Variants in PCDHGB6 observed in about 807,000 individuals in gnomAD.
PCDHGB6 encodes protocadherin gamma subfamily B, 6.
A neutral mutation model predicts 59.1 loss-of-function variants in PCDHGB6; 51 were observed. The observed-to-expected ratio is 0.86, with a 90% confidence interval of 0.69 to 1.09. The LOEUF (loss-of-function observed/expected upper bound fraction) is 1.09, where lower values mean the gene tolerates loss of function less well. Ranked by LOEUF, PCDHGB6 falls within the 50% of genes least tolerant of loss-of-function variation. The probability of loss-of-function intolerance (pLI) is 0.00; values close to 1 mark genes in which losing one functional copy is unlikely to be tolerated. For missense variants in PCDHGB6, 1,148 were observed against 1,205.1 expected, an observed-to-expected ratio of 0.95 and a Z score of 0.70; for synonymous variants, 466 against 495.1, an observed-to-expected ratio of 0.94 and a Z score of 0.78.
At chr5:141,456,020 C>A (rs2098840631) in intron 1 of PCDHGB6, among the ~76,000 whole-genome samples, 2 of 151,952 alleles carry the variant, frequency 1.3e-5, no homozygotes, top group South Asian at 4.2e-4. Flanking sequence ...GCCTCAGCCT[C>A]CCGAGTAGCT....
chr5:141,413,111 AG>A lies in PCDHGB6; in HGVS notation c.2418+2493del, dbSNP rs962952666. ...ACACCCTGAAGCCACAGAAAGACAA[AG>A]GAACCGGTTGAAACACACAACGTGT... On this transcript the variant is annotated intron_variant, in intron 1 of 3. Transcript: ENST00000520790. 4.7e-6 allele frequency: 7 copies of A among 1,499,852 alleles called. No individual in the cohort carries two copies. In the African/African-American group the frequency reaches 8.4e-5, roughly 18 times the overall value. 92.9% of individuals were successfully genotyped at this position (1,499,852 alleles called of 1,614,324 possible). A position where few individuals can be genotyped will look rare whatever the true frequency, so the allele number is the denominator to read the frequency against.
intron 1 of PCDHGB6, chr5:141,422,019 G>T (rs777239843): frequency 1.9e-6 from 3 of 1,610,862 alleles, no homozygotes; most frequent in Non-Finnish European, 2.5e-6. Context: ...GGGTGCTGAT[G>T]GTTAATGCAA....
At chr5:141,422,038 G>A (rs949164524) in intron 1 of PCDHGB6, 9 of 1,611,746 alleles carry the variant, frequency 5.6e-6, no homozygotes, top group Non-Finnish European at 7.6e-6. Context: ...AACGGATCCA[G>A]ACGAGGGAAT....
intron 1 of PCDHGB6, among the ~76,000 whole-genome samples, chr5:141,450,005 TC>T (rs2098662434): frequency 1.0e-5 from 1 of 99,604 alleles, no homozygotes; most frequent in Non-Finnish European, 1.8e-5. Flanking sequence ...TTGCCATGTC[TC>T]TTTTTTTTTT....
chr5:141,419,209 G>A (rs541061354), intron 1 of PCDHGB6: 11 of 1,613,900 alleles, frequency 6.8e-6, no homozygotes, highest in South Asian at 5.5e-5. Context: ...ACAACGCGCC[G>A]GTTTTCGGAC....
chr5:141,504,206 A>C (rs1209911822), intron 2 of PCDHGB6, among the ~76,000 whole-genome samples: 1 of 152,218 alleles, frequency 6.6e-6, no homozygotes, highest in East Asian at 1.9e-4. Context: ...CTGTGGGAAA[A>C]TTCCAAGTAG....
rs201022238 is a variant in PCDHGB6 at position 141,415,678 on chromosome 5, G to A, written c.2418+5058G>A. 470 of 1,555,406 alleles carry A rather than the reference G, an allele frequency of 3.0e-4. 2 individuals carry two copies. In the African/African-American group the frequency reaches 5.9e-3, roughly 20 times the overall value. ...GATTGGTTTTTACTTTGAAGTTTGC[G>A]GCATGATGGTGGAAAGTGTAAATGC... On this transcript the variant is annotated intron_variant, in intron 1 of 3. Coordinates refer to ENST00000520790, the MANE Select transcript of PCDHGB6 (RefSeq NM_018926.3).
At chr5:141,488,217 A>G (rs537136341) in intron 1 of PCDHGB6, among the ~76,000 whole-genome samples, 2 of 152,274 alleles carry the variant, frequency 1.3e-5, no homozygotes, top group East Asian at 1.9e-4. Flanking sequence ...TCAAGTCCCT[A>G]CTGGGGATTT....
chr5:141,415,443 C>T, intron 1 of PCDHGB6: 1 of 1,614,196 alleles, frequency 6.2e-7, no homozygotes, highest in Non-Finnish European at 8.5e-7. Context: ...TCCTGCAGAC[C>T]TATTCCCACG....
intron 1 of PCDHGB6, among the ~76,000 whole-genome samples, chr5:141,454,658 G>T (rs961640658): frequency 1.3e-5 from 2 of 151,812 alleles, no homozygotes; most frequent in Non-Finnish European, 2.9e-5. Flanking sequence ...TGCCCACCTC[G>T]GCCTCCCAAA....
rs3805699 is a variant in PCDHGB6 at position 141,435,743 on chromosome 5, G to A, written c.2418+25123G>A. Among the ~76,000 whole-genome samples the A allele has an allele frequency of 9.2e-5, 14 of 152,198 alleles. No homozygotes were observed. The East Asian group carries it at 2.1e-3, about 23-fold the overall frequency. ...GCTAAAGTGTATTACTCTTTGAAAA[G>A]CATTGCTTGATTTCTTTTGGTGAAT... is the stretch of plus-strand genomic sequence containing the variant. On this transcript the variant is annotated intron_variant, in intron 1 of 3. Coordinates refer to ENST00000520790, the MANE Select transcript of PCDHGB6 (RefSeq NM_018926.3).
At chr5:141,415,736 TA>T in intron 1 of PCDHGB6, 1 of 1,289,980 alleles carries the variant, frequency 7.8e-7, no homozygotes, top group South Asian at 1.8e-5. Context: ...TGATGTTTAT[TA>T]AGGTTTTTTT....
intron 1 of PCDHGB6, chr5:141,479,712 C>T (rs1488849933): frequency 6.6e-6 from 1 of 152,216 alleles, no homozygotes; most frequent in Non-Finnish European, 1.5e-5. Flanking sequence ...CCCTGTCCTT[C>T]CAGCCTTATT....
chr5:141,501,425 G>A (rs1444899306), intron 2 of PCDHGB6, among the ~76,000 whole-genome samples: 1 of 151,726 alleles, frequency 6.6e-6, no homozygotes, highest in Non-Finnish European at 1.5e-5. Flanking sequence ...TTGACTAAAT[G>A]TAGTCCATTT....
chr5:141,411,366 T>C (rs559840924), intron 1 of PCDHGB6: 1 of 152,208 alleles, frequency 6.6e-6, no homozygotes, highest in South Asian at 2.1e-4. Flanking sequence ...AGCCCAAGAA[T>C]TGAGACCAGC....
chr5:141,431,698 ATT>A lies in PCDHGB6; in HGVS notation c.2418+21079_2418+21080del. The A allele has an allele frequency of 6.2e-7, 1 of 1,614,222 alleles. No homozygotes were observed. Among genetic ancestry groups the A allele is most frequent in the South Asian group, 1.1e-5 (1 of 91,090 alleles). ...GGGAGTTGGACCACGAGGAGTCAGG[ATT>A]CTACCAGATGGAAGTGCAAGCAATG... On this transcript the variant is annotated intron_variant, in intron 1 of 3. Transcript: ENST00000520790. The surrounding 1 kb of genome is among the most constrained non-coding windows in gnomAD (Gnocchi z 4.8).
rs776258973 is a variant in PCDHGB6, at chr5:141,489,877, A to G, written c.2419-4930A>G. 1.2e-6 allele frequency: 2 copies of G among 1,614,230 alleles called. No individual in the cohort carries two copies. The highest frequency in any genetic ancestry group is 2.2e-5 in the South Asian group (2 of 91,090). Reference sequence around the variant, plus strand: ...CCAGGCAAGACATCAGCTGGTGCTTACTGCTGTGGATGGGGGGACCCCAGC... The same window carrying G: ...CCAGGCAAGACATCAGCTGGTGCTTGCTGCTGTGGATGGGGGGACCCCAGC... On this transcript the variant is annotated intron_variant, in intron 1 of 3. Coordinates refer to ENST00000520790, the MANE Select transcript of PCDHGB6 (RefSeq NM_018926.3). This position sits in a 1 kb window ranked among gnomAD's most constrained non-coding sequence, Gnocchi z 4.5.
intron 1 of PCDHGB6, chr5:141,427,965 C>T: frequency 6.3e-7 from 1 of 1,590,342 alleles, no homozygotes; most frequent in Non-Finnish European, 8.6e-7. Flanking sequence ...GCCGCGGGTG[C>T]TGTACCCCGC....
chr5:141,489,483 T>G lies in PCDHGB6; in HGVS notation c.2419-5324T>G. 1.9e-6 allele frequency: 3 copies of G among 1,613,980 alleles called. No individual in the cohort carries two copies. The highest frequency in any genetic ancestry group is 2.5e-6 in the Non-Finnish European group (3 of 1,180,008). ...GCTATTTTTCCCTGAGCTTGATGAG[T>G]GGTGCCCTGGCAGTGAATCAAAAGA... On this transcript the variant is annotated intron_variant, in intron 1 of 3. Coordinates refer to ENST00000520790, the MANE Select transcript of PCDHGB6 (RefSeq NM_018926.3). This position sits in a 1 kb window ranked among gnomAD's most constrained non-coding sequence, Gnocchi z 4.5.
Sources: gnomAD v4.1 joint callset for allele counts (sites outside exome capture counted in the v4.1 genomes callset) on GRCh38, gnomAD v4.1.1 for gene constraint, Gnocchi (gnomAD v3.1) non-coding constraint, MANE v1.5 for transcripts, NCBI Gene and HGNC (gene_info 2026-07-23, HGNC 2026-07-21) for gene names.